Variants in ARID1B observed in about 807,000 individuals in gnomAD.
ARID1B encodes AT-rich interactive domain-containing protein 1B.
In ARID1B, 30 loss-of-function variants were observed where a neutral mutation model predicts 212.3. The observed-to-expected ratio is 0.14, with a 90% confidence interval of 0.11 to 0.19. ARID1B has a LOEUF of 0.19. ARID1B is among the 10% of genes least tolerant of loss of function. ARID1B has a pLI of 1.00. For synonymous variants in ARID1B, 1,402 were observed against 1,301.7 expected, an observed-to-expected ratio of 1.08 and a Z score of -1.66; for missense variants, 2,891 against 3,204.0, an observed-to-expected ratio of 0.90 and a Z score of 2.36.
chr6:156,909,319 T>A (rs532646957), intron 3 of ARID1B, among the ~76,000 whole-genome samples: 96 of 151,980 alleles, frequency 6.3e-4, no homozygotes, highest in African/African-American at 2.2e-3. Flanking sequence ...AGAAACGGGG[T>A]TTCACCATGT....
intron 7 of ARID1B, 56 bp downstream of exon 7, chr6:157,133,263 T>C: frequency 6.7e-7 from 1 of 1,494,418 alleles, no homozygotes; most frequent in Non-Finnish European, 8.9e-7. Flanking sequence ...ATTTTCTTAA[T>C]GTGCTAGTCC....
chr6:157,167,090 C>A lies in ARID1B; in HGVS notation c.3140C>A (p.Ser1047Tyr), dbSNP rs1562317875. The A allele has an allele frequency of 1.2e-6, 2 of 1,612,646 alleles. No homozygotes were observed. Among genetic ancestry groups the A allele is most frequent in the Non-Finnish European group, 1.7e-6 (2 of 1,180,024 alleles). ...MNQSGLMASS[S>Y]PYSQPMNNSS... ...CAGAGTGGACTTATGGCTTCCAGCTCTCCCTACAGCCAGCCCATGAACAAC... is the reference window on the plus strand; with the variant it reads ...CAGAGTGGACTTATGGCTTCCAGCTATCCCTACAGCCAGCCCATGAACAAC... Residue 1047 changes from serine (S) to tyrosine (Y), a missense_variant, in exon 9 of 20, where the codon TCT becomes TAT. Ser to Tyr is a moderately radical substitution (Grantham distance 144, BLOSUM62 -2). Around this residue, in one of 7 missense-constraint regions of ARID1B, gnomAD observed 1,643 missense variants for 1,544.0 expected, o/e 1.06. Coordinates refer to ENST00000636930, the MANE Select transcript of ARID1B (RefSeq NM_001374828.1).
intron 2 of ARID1B, 129 bp from the exon 3 acceptor site, chr6:156,901,247 A>G: frequency 9.6e-7 from 1 of 1,038,326 alleles, no homozygotes; most frequent in African/African-American, 1.6e-5. Context: ...TAAGGAAGAG[A>G]GGATTAGAAA....
At position 156,893,045 on chromosome 6, in the gene ARID1B, C is replaced by CTTTTT. The variant is rs567719662; in HGVS notation, c.1987-8320_1987-8316dup. ...AACTCTTTTTTTTTCTTTTTTCTTC[C>CTTTTT]TTTTTTTTTTTTTTTGAGATGGAGT... On this transcript the variant is annotated intron_variant, in intron 2 of 19. Transcript: ENST00000636930. 7.2e-3 allele frequency among the ~76,000 whole-genome samples: 622 copies of CTTTTT among 85,896 alleles called. 33 individuals are homozygous for CTTTTT. Among genetic ancestry groups the CTTTTT allele is most frequent in the African/African-American group, 0.013 (275 of 21,316 alleles). 56.4% of individuals were successfully genotyped at this position (85,896 alleles called of 152,430 possible).
intron 4 of ARID1B, chr6:156,943,911 A>G (rs900272798): frequency 2.0e-5 from 3 of 152,192 alleles, no homozygotes; most frequent in Admixed American, 6.5e-5. Context: ...ACTTGTATGG[A>G]AGAAACAATT....
chr6:157,134,337 A>G (rs1421275974), intron 7 of ARID1B, among the ~76,000 whole-genome samples: 1 of 152,234 alleles, frequency 6.6e-6, no homozygotes. Context: ...GATCTTAAAC[A>G]GTTTCAGTGC....
intron 1 of ARID1B, among the ~76,000 whole-genome samples, chr6:156,811,296 T>C (rs946646662): frequency 7.2e-5 from 11 of 152,156 alleles, no homozygotes; most frequent in African/African-American, 2.7e-4. Context: ...CAGTCACAGG[T>C]CTTACCCGTA....
chr6:156,781,107 T>C (rs901873579), intron 1 of ARID1B, among the ~76,000 whole-genome samples: 2 of 152,174 alleles, frequency 1.3e-5, no homozygotes, highest in African/African-American at 4.8e-5. Context: ...TTCAAAGATA[T>C]TTGTGGATGA....
intron 9 of ARID1B, among the ~76,000 whole-genome samples, chr6:157,171,985 T>A (rs1464060546): frequency 6.6e-6 from 1 of 152,216 alleles, no homozygotes; most frequent in Non-Finnish European, 1.5e-5. Context: ...TTAAAACCAT[T>A]GGAGAAGCTC....
At chr6:157,078,917 C>G (rs570132769) in intron 4 of ARID1B, among the ~76,000 whole-genome samples, 1 of 152,278 alleles carries the variant, frequency 6.6e-6, no homozygotes, top group South Asian at 2.1e-4. Flanking sequence ...AAAAGTAGTT[C>G]TTGGCCACCC....
intron 1 of ARID1B, among the ~76,000 whole-genome samples, chr6:156,802,966 T>G (rs1269641600): frequency 1.3e-5 from 2 of 152,228 alleles, no homozygotes; most frequent in East Asian, 3.8e-4. Flanking sequence ...ATCCTTATGC[T>G]AATGCAGCTG....
At chr6:157,043,552 A>G (rs1349102329) in intron 4 of ARID1B, among the ~76,000 whole-genome samples, 1 of 152,088 alleles carries the variant, frequency 6.6e-6, no homozygotes, top group East Asian at 1.9e-4. Context: ...TCATCTTTTT[A>G]TATCCATATT....
chr6:156,898,924 T>A (rs1271188304), intron 2 of ARID1B, among the ~76,000 whole-genome samples: 1 of 152,160 alleles, frequency 6.6e-6, no homozygotes, highest in Admixed American at 6.5e-5. Flanking sequence ...CGAGCCAAGA[T>A]CGCGCCATTG....
intron 4 of ARID1B, among the ~76,000 whole-genome samples, chr6:157,021,714 G>A (rs1217623434): frequency 1.3e-5 from 2 of 151,956 alleles, no homozygotes; most frequent in Admixed American, 1.3e-4. Context: ...GCCGCCTGCA[G>A]GCACCGTCCG....
intron 4 of ARID1B, among the ~76,000 whole-genome samples, chr6:156,949,078 G>A (rs1489645580): frequency 6.6e-6 from 1 of 152,218 alleles, no homozygotes; most frequent in African/African-American, 2.4e-5. Flanking sequence ...TTCAGAGGAA[G>A]AGAACACTGC....
At chr6:156,816,390 G>GT (rs1031523712) in intron 1 of ARID1B, among the ~76,000 whole-genome samples, 12 of 152,128 alleles carry the variant, frequency 7.9e-5, no homozygotes, top group African/African-American at 2.7e-4. Context: ...CTTTAATTTT[G>GT]TTTTTTTATT....
chr6:157,063,212 A>G (rs1583239361), intron 4 of ARID1B, among the ~76,000 whole-genome samples: 1 of 151,932 alleles, frequency 6.6e-6, no homozygotes, highest in Admixed American at 6.6e-5. Flanking sequence ...TGAATGAGCC[A>G]CCAGCCATTT....
chr6:157,084,991 A>G, intron 5 of ARID1B, 86 bp downstream of exon 5: 2 of 1,482,616 alleles, frequency 1.3e-6, no homozygotes, highest in Non-Finnish European at 9.0e-7. Flanking sequence ...TTACTTTACT[A>G]TTTAAAACCT....
chr6:157,072,583 T>A (rs1031477681), intron 4 of ARID1B: 1 of 152,236 alleles, frequency 6.6e-6, no homozygotes, highest in African/African-American at 2.4e-5. Flanking sequence ...TGACATACAT[T>A]TTTAATAATT....
Sources: allele counts gnomAD v4.1 joint callset (sites outside exome capture counted in the v4.1 genomes callset), GRCh38; gene constraint gnomAD v4.1.1; regional missense constraint gnomAD v4.1.1; transcripts MANE v1.5; gene names NCBI Gene and HGNC (gene_info 2026-07-23, HGNC 2026-07-21).